Variants in MID1 observed in about 807,000 individuals in gnomAD.
MID1 encodes midline 1.
In MID1, 7 loss-of-function variants were observed where a neutral mutation model predicts 40.4. That is an observed-to-expected ratio of 0.17 (90% CI 0.10 to 0.33). The LOEUF (loss-of-function observed/expected upper bound fraction) is 0.33, where lower values mean the gene tolerates loss of function less well. Ranked by LOEUF, MID1 falls within the 10% of genes least tolerant of loss-of-function variation. The pLI, the probability that MID1 is intolerant of heterozygous loss-of-function variation, is 1.00. For missense variants in MID1, 367 were observed against 558.5 expected (o/e 0.66, Z 3.46); for synonymous variants, 229 against 221.2 (o/e 1.04, Z -0.31).
intron 1 of MID1, among the ~76,000 whole-genome samples, chrX:10,657,153 T>C (rs1484808917): frequency 9.0e-6 from 1 of 111,407 alleles, no homozygotes; most frequent in African/African-American, 3.3e-5. Flanking sequence ...GTCCCTCAGA[T>C]AGGATATCTC....
chrX:10,766,674 T>G (rs73484927), intron 1 of MID1, among the ~76,000 whole-genome samples: 6,028 of 111,161 alleles, frequency 0.054, 409 homozygotes, highest in African/African-American at 0.19. Context: ...AATCCCAGCA[T>G]TTTGGGAGGC....
intron 3 of MID1, among the ~76,000 whole-genome samples, chrX:10,500,510 A>C (rs2147329291): frequency 8.9e-6 from 1 of 112,549 alleles, no homozygotes; most frequent in East Asian, 2.8e-4. Flanking sequence ...AGATACAATA[A>C]AACAAGTTAA....
rs763662845 is a variant in MID1, at chrX:10,567,625, T to C, written c.-56-22A>G. 7.1e-6 allele frequency: 8 copies of C among 1,126,655 alleles called. No homozygotes were observed. In the South Asian group the frequency reaches 1.1e-4, roughly 15 times the overall value. The allele number at this position is 1,126,655 out of a possible 1,213,427, so 92.8% of individuals were successfully genotyped here. A position where few individuals can be genotyped will look rare whatever the true frequency, so the allele number is the denominator to read the frequency against. ...CTATCTGGAAACAAGAATGTAAGAT[T>C]TGATTAGGCACAGGGAGGTCAACCA... On this transcript the variant is annotated intron_variant, in intron 1 of 9. Transcript: ENST00000317552.
rs760533054 is a variant in MID1, at chrX:10,606,843, C to T, written c.-57+13447G>A. Among the ~76,000 whole-genome samples the T allele has an allele frequency of 5.4e-5, 6 of 111,221 alleles. No homozygotes were observed. In the South Asian group the frequency reaches 1.1e-3, roughly 21 times the overall value. On this transcript the variant is annotated intron_variant, in intron 1 of 9. Coordinates refer to ENST00000317552, the MANE Select transcript of MID1 (RefSeq NM_000381.4). The stretch of plus-strand genomic sequence containing the variant: ...ACCTCCCAGACTCAAGCGATCCTCC[C>T]GACTCAGCCTCCCAAGTAGCTGGGA...
intron 1 of MID1, among the ~76,000 whole-genome samples, chrX:10,647,832 C>A (rs1414668338): frequency 1.8e-5 from 2 of 112,044 alleles, no homozygotes; most frequent in African/African-American, 6.5e-5. Context: ...AGAACTACCA[C>A]AAATTACCCA....
chrX:10,779,530 G>T (rs113612359), intron 1 of MID1, among the ~76,000 whole-genome samples: 37 of 112,152 alleles, frequency 3.3e-4, no homozygotes, highest in Non-Finnish European at 6.6e-4. Flanking sequence ...AGATAGAAAG[G>T]AATTGTCAGA....
intron 1 of MID1, among the ~76,000 whole-genome samples, chrX:10,663,789 G>C (rs1399467570): frequency 8.9e-6 from 1 of 111,947 alleles, no homozygotes; most frequent in Non-Finnish European, 1.9e-5. Context: ...CTTAAAGAAG[G>C]CCATGGGAAT....
intron 1 of MID1, among the ~76,000 whole-genome samples, chrX:10,803,242 TATAA>T (rs1237404004): frequency 9.1e-6 from 1 of 110,041 alleles, no homozygotes; most frequent in Non-Finnish European, 1.9e-5. Flanking sequence ...AAAGCAAAAA[TATAA>T]ATAAATATAA....
chrX:10,765,004 G>A (rs769782484), intron 1 of MID1, among the ~76,000 whole-genome samples: 1 of 111,844 alleles, frequency 8.9e-6, no homozygotes, highest in South Asian at 3.8e-4. Flanking sequence ...CATGTTAACA[G>A]GCTCTCACAC....
At chrX:10,775,748 T>C (rs1345086174) in intron 1 of MID1, among the ~76,000 whole-genome samples, 1 of 111,599 alleles carries the variant, frequency 9.0e-6, no homozygotes, top group Admixed American at 9.5e-5. Context: ...GATTCTTTGT[T>C]GTGGGTAATG....
At chrX:10,500,522 T>A (rs761792385) in intron 3 of MID1, among the ~76,000 whole-genome samples, 49 of 112,541 alleles carry the variant, frequency 4.4e-4, no homozygotes, top group Middle Eastern at 4.2e-3. Context: ...ACAAGTTAAA[T>A]ACTATTCTAT....
At chrX:10,533,351 A>AGAAAG (rs1933068506) in intron 2 of MID1, among the ~76,000 whole-genome samples, 1 of 81,824 alleles carries the variant, frequency 1.2e-5, no homozygotes, top group South Asian at 8.1e-4. Flanking sequence ...AAAGAAAGAA[A>AGAAAG]GAAAGAAAGA....
At position 10,761,791 on chromosome X, in the gene MID1, G is replaced by A. The variant is rs527465844; in HGVS notation, c.-187+71763C>T. On this transcript the variant is annotated intron_variant, in intron 1 of 10. Transcript: ENST00000380785. ...TTTTTCTAAGCCACTATGTATGAAGGTAGTTTGTTATGGGGAATTAGGTAA... is the reference window on the plus strand; with the variant it reads ...TTTTTCTAAGCCACTATGTATGAAGATAGTTTGTTATGGGGAATTAGGTAA... Among the ~76,000 whole-genome samples the A allele has an allele frequency of 4.5e-5, 5 of 112,101 alleles. No homozygotes were observed. The South Asian group carries it at 1.9e-3, about 42-fold the overall frequency.
chrX:10,767,020 G>A (rs768177702), intron 1 of MID1, among the ~76,000 whole-genome samples: 1 of 111,408 alleles, frequency 9.0e-6, no homozygotes, highest in South Asian at 3.8e-4. Context: ...CACACAACCT[G>A]GGTGAGAGCA....
chrX:10,661,197 A>G (rs2042909076), intron 1 of MID1, among the ~76,000 whole-genome samples: 1 of 111,893 alleles, frequency 8.9e-6, no homozygotes, highest in Non-Finnish European at 1.9e-5. Flanking sequence ...GTCAAAGTCA[A>G]TGTCCTGGTT....
At chrX:10,520,524 G>A (rs1210360694) in intron 3 of MID1, among the ~76,000 whole-genome samples, 5 of 112,136 alleles carry the variant, frequency 4.5e-5, no homozygotes, top group Admixed American at 2.8e-4. Context: ...TAGGCACATA[G>A]GAGGCTATAA....
chrX:10,817,515 T>C (rs1411983609), intron 1 of MID1, among the ~76,000 whole-genome samples: 1 of 13,263 alleles, frequency 7.5e-5, no homozygotes, highest in Non-Finnish European at 1.7e-4. Context: ...TCTTTTTTTC[T>C]CTTTCTTTCT....
intron 1 of MID1, among the ~76,000 whole-genome samples, chrX:10,727,518 C>G (rs778043946): frequency 6.2e-5 from 7 of 112,390 alleles, no homozygotes; most frequent in Non-Finnish European, 1.3e-4. Context: ...TGTCTTAACT[C>G]TGCTAAATTA....
At chrX:10,664,332 T>C (rs1338255013) in intron 1 of MID1, among the ~76,000 whole-genome samples, 1 of 111,161 alleles carries the variant, frequency 9.0e-6, no homozygotes, top group Non-Finnish European at 1.9e-5. Context: ...CAGCTATTTT[T>C]ATTTTTTTGT....
Sources: allele counts gnomAD v4.1 joint callset (sites outside exome capture counted in the v4.1 genomes callset), GRCh38; gene constraint gnomAD v4.1.1; transcripts MANE v1.5; gene names NCBI Gene and HGNC (gene_info 2026-07-23, HGNC 2026-07-21).